ITGAM: variants seen among roughly 807,000 people sequenced by gnomAD.
ITGAM encodes integrin alpha-M.
ITGAM carries 79 observed loss-of-function variants against 137.5 expected under a neutral mutation model. The observed-to-expected ratio is 0.57, with a 90% confidence interval of 0.48 to 0.69. The LOEUF is 0.69. Among genes scored for constraint, ITGAM ranks in the 30% least tolerant of loss-of-function variants. The pLI is 0.00. For synonymous variants in ITGAM, 583 were observed against 592.3 expected, an observed-to-expected ratio of 0.98 and a Z score of 0.23; for missense variants, 1,343 against 1,483.5, an observed-to-expected ratio of 0.91 and a Z score of 1.56.
At chr16:31,274,455 C>A (rs955665184) in intron 8 of ITGAM, among the ~76,000 whole-genome samples, 1 of 152,168 alleles carries the variant, frequency 6.6e-6, no homozygotes, top group African/African-American at 2.4e-5. Flanking sequence ...TCATGAGCGA[C>A]TGCGAGGTGT....
chr16:31,298,794 A>G (rs1253163544), intron 14 of ITGAM, among the ~76,000 whole-genome samples: 1 of 151,814 alleles, frequency 6.6e-6, no homozygotes, highest in Non-Finnish European at 1.5e-5. Flanking sequence ...ATTCTTAGTA[A>G]TTTTTCAACA....
intron 24 of ITGAM, 105 bp from the exon 25 acceptor site, chr16:31,329,693 G>A: frequency 1.2e-6 from 1 of 861,918 alleles, no homozygotes; most frequent in South Asian, 1.6e-5. Flanking sequence ...ACAGGAAGGG[G>A]CAGGACGCCC....
chr16:31,277,432 C>T (rs1351926521), intron 11 of ITGAM, among the ~76,000 whole-genome samples: 5 of 151,680 alleles, frequency 3.3e-5, no homozygotes, highest in East Asian at 3.9e-4. Flanking sequence ...GATCTTGGCT[C>T]ACCACAACCT....
chr16:31,260,366 G>T (rs1381603837), intron 1 of ITGAM, among the ~76,000 whole-genome samples: 1 of 152,126 alleles, frequency 6.6e-6, no homozygotes, highest in Non-Finnish European at 1.5e-5. Context: ...CCAGGGAGGA[G>T]AAGTGACATG....
intron 12 of ITGAM, among the ~76,000 whole-genome samples, chr16:31,282,610 G>A (rs987340581): frequency 4.6e-5 from 7 of 152,130 alleles, no homozygotes; most frequent in Non-Finnish European, 8.8e-5. Flanking sequence ...GCCTATGTGT[G>A]TCTCTGCACG....
At chr16:31,326,648 C>T (rs1420906330) in intron 21 of ITGAM, among the ~76,000 whole-genome samples, 1 of 152,140 alleles carries the variant, frequency 6.6e-6, no homozygotes, top group Admixed American at 6.6e-5. Context: ...AACTCCTGAC[C>T]TCAGGTGATC....
chr16:31,326,158 A>G lies in ITGAM; in HGVS notation c.2628+536A>G, dbSNP rs2080506344. 3.3e-5 allele frequency among the ~76,000 whole-genome samples: 5 copies of G among 152,142 alleles called. No individual in the cohort carries two copies. The South Asian group carries it at 1.0e-3, about 32-fold the overall frequency. On this transcript the variant is annotated intron_variant, in intron 21 of 29. Coordinates refer to ENST00000544665, the MANE Select transcript of ITGAM (RefSeq NM_000632.4). ...GGTCTTGCATCCGTCATCATGATCC[A>G]TTTTGGAACATCTTCATTACCTCAC...
chr16:31,306,416 A>G (rs371563123), intron 14 of ITGAM, among the ~76,000 whole-genome samples: 9 of 152,200 alleles, frequency 5.9e-5, no homozygotes, highest in African/African-American at 2.2e-4. Context: ...TTTGAAGCTA[A>G]TATAGAAATT....
At chr16:31,330,445 C>A in intron 27 of ITGAM, 24 bp downstream of exon 27, 1 of 1,611,070 alleles carries the variant, frequency 6.2e-7, no homozygotes, top group Non-Finnish European at 8.5e-7. Flanking sequence ...TGAGGCTTCG[C>A]CGGGCACAGG....
rs4597342 is a variant in ITGAM at position 31,332,448 on chromosome 16, T to C, written c.*741T>C. On this transcript the variant is annotated 3_prime_UTR_variant, in exon 30 of 30. Coordinates refer to ENST00000544665, the MANE Select transcript of ITGAM (RefSeq NM_000632.4). ...ACTTTAATTTTTTGGATGGATAAGCTTGTCTATGGTACAAAAATCACAAGG... is the reference window on the plus strand; with the variant it reads ...ACTTTAATTTTTTGGATGGATAAGCCTGTCTATGGTACAAAAATCACAAGG... The C allele has an allele frequency of 0.73, 110,642 of 152,214 alleles. 41,282 individuals carry two copies. The highest frequency in any genetic ancestry group is 0.9 in the African/African-American group (37,308 of 41,552). 9.4% of individuals were successfully genotyped at this position (152,214 alleles called of 1,614,324 possible).
At chr16:31,315,670 G>C (rs1433112319) in intron 14 of ITGAM, among the ~76,000 whole-genome samples, 2 of 151,748 alleles carry the variant, frequency 1.3e-5, no homozygotes, top group Non-Finnish European at 2.9e-5. Flanking sequence ...TGTTGGCCAG[G>C]CTGGTCTTGA....
chr16:31,329,324 G>C (rs1037487047), intron 24 of ITGAM, 21 bp downstream of exon 24: 5 of 1,564,478 alleles, frequency 3.2e-6, no homozygotes, highest in Non-Finnish European at 4.4e-6. Flanking sequence ...GGGACGTCTG[G>C]GTCCTGAGAA....
intron 9 of ITGAM, 108 bp from the exon 10 acceptor site, chr16:31,276,563 C>A: frequency 1.3e-6 from 1 of 741,040 alleles, no homozygotes; most frequent in Non-Finnish European, 2.3e-6. Context: ...AACTCCTGAC[C>A]TCAAGTGATC....
intron 12 of ITGAM, among the ~76,000 whole-genome samples, chr16:31,284,841 G>A (rs576843364): frequency 6.6e-6 from 1 of 152,066 alleles, no homozygotes; most frequent in African/African-American, 2.4e-5. Context: ...TTCCTATTCG[G>A]CCATCTTGGA....
chr16:31,327,355 G>A (rs778159181), intron 22 of ITGAM, among the ~76,000 whole-genome samples: 19 of 151,828 alleles, frequency 1.3e-4, no homozygotes, highest in Non-Finnish European at 2.2e-4. Flanking sequence ...GGGAGGCTGA[G>A]GCAAAACAAT....
chr16:31,320,971 A>G (rs1396302729), intron 14 of ITGAM, among the ~76,000 whole-genome samples: 1 of 152,184 alleles, frequency 6.6e-6, no homozygotes, highest in Middle Eastern at 3.2e-3. Context: ...CCAGGAGTTC[A>G]AGACCAGCCT....
intron 8 of ITGAM, among the ~76,000 whole-genome samples, chr16:31,274,411 G>A (rs987225861): frequency 1.3e-5 from 2 of 152,076 alleles, no homozygotes; most frequent in East Asian, 1.9e-4. Context: ...TCTTTGATAC[G>A]GCAGAGCCCT....
At chr16:31,260,611 A>G (rs2079688104) in intron 1 of ITGAM, among the ~76,000 whole-genome samples, 1 of 152,232 alleles carries the variant, frequency 6.6e-6, no homozygotes, top group South Asian at 2.1e-4. Context: ...ATAGGAAGGA[A>G]ATTATCTAAT....
chr16:31,260,016 GC>G lies in ITGAM; in HGVS notation c.-47del, dbSNP rs780572646. ...GGCTTCCTTGTGGTTCCTCAGTGGT[GC>G]CTGCAACCCCTGGTTCACCTCCTTC... On this transcript the variant is annotated 5_prime_UTR_variant, in exon 1 of 30. Coordinates refer to ENST00000544665, the MANE Select transcript of ITGAM (RefSeq NM_000632.4). The G allele has an allele frequency of 3.3e-6, 5 of 1,529,556 alleles. No homozygotes were observed. In the South Asian group the frequency reaches 5.9e-5, roughly 18 times the overall value. 94.7% of individuals were successfully genotyped at this position (1,529,556 alleles called of 1,614,324 possible). A position where few individuals can be genotyped will look rare whatever the true frequency, so the allele number is the denominator to read the frequency against.
Sources: gnomAD v4.1 joint callset for allele counts (sites outside exome capture counted in the v4.1 genomes callset) on GRCh38, gnomAD v4.1.1 for gene constraint, MANE v1.5 for transcripts, NCBI Gene and HGNC (gene_info 2026-07-23, HGNC 2026-07-21) for gene names.